RANBP2: variants seen among roughly 807,000 people sequenced by gnomAD.
The protein encoded by RANBP2 is E3 SUMO-protein ligase RanBP2.
Under a neutral mutation model 303.6 loss-of-function variants are expected in RANBP2, and 57 were observed. That is an observed-to-expected ratio of 0.19 (90% confidence interval 0.15 to 0.23). The LOEUF (loss-of-function observed/expected upper bound fraction) is 0.23. Among genes scored for constraint, RANBP2 ranks in the 10% least tolerant of loss-of-function variants. The pLI, the probability that RANBP2 is intolerant of heterozygous loss-of-function variation, is 1.00. For synonymous variants in RANBP2, 1,167 were observed against 1,301.5 expected (o/e 0.90, Z 2.23); for missense variants, 3,138 against 3,780.8 (o/e 0.83, Z 4.46).
chr2:108,937,888 G>T, the RANBP2 span, among the ~76,000 whole-genome samples: 1 of 152,238 alleles, frequency 6.6e-6, no homozygotes, highest in African/African-American at 2.4e-5. Context: ...CTTCCCAAAA[G>T]ACGTGGACAG....
the RANBP2 span, among the ~76,000 whole-genome samples, chr2:109,500,793 A>G: frequency 4.6e-5 from 7 of 152,064 alleles, no homozygotes; most frequent in Admixed American, 4.6e-4. Context: ...TACAAAAAAA[A>G]ATTAGAAATT....
At chr2:108,750,212 GT>G (rs1450436606) in intron 9 of RANBP2, among the ~76,000 whole-genome samples, 1 of 152,258 alleles carries the variant, frequency 6.6e-6, no homozygotes, top group African/African-American at 2.4e-5. Context: ...CATCTAAATG[GT>G]TGTTTATGTA....
At chr2:109,169,001 C>T in the RANBP2 span, among the ~76,000 whole-genome samples, 1 of 152,274 alleles carries the variant, frequency 6.6e-6, no homozygotes, top group Admixed American at 6.5e-5. Flanking sequence ...AGAAAGGCAG[C>T]TCATGAGTTT....
chr2:108,910,733 T>G, the RANBP2 span: 1 of 1,604,080 alleles, frequency 6.2e-7, no homozygotes, highest in Non-Finnish European at 8.5e-7. Context: ...CACCCAGAGA[T>G]GGGCACCGTG....
At chr2:109,708,186 C>T in the RANBP2 span, among the ~76,000 whole-genome samples, 1 of 152,122 alleles carries the variant, frequency 6.6e-6, no homozygotes, top group Non-Finnish European at 1.5e-5. Context: ...GGCAAAACCC[C>T]ATCTCTACAA....
intron 28 of RANBP2, 147 bp downstream of exon 28, chr2:108,783,009 C>A: frequency 2.7e-6 from 2 of 733,376 alleles, no homozygotes; most frequent in Non-Finnish European, 4.6e-6. Context: ...CATGGCATCA[C>A]TACCCATTCC....
the RANBP2 span, among the ~76,000 whole-genome samples, chr2:109,691,738 G>A: frequency 1.3e-5 from 2 of 151,466 alleles, no homozygotes; most frequent in Non-Finnish European, 2.9e-5. Flanking sequence ...ATGCAGCCCT[G>A]TTTCCACCTC....
At chr2:108,988,678 CA>C in the RANBP2 span, among the ~76,000 whole-genome samples, 1 of 152,112 alleles carries the variant, frequency 6.6e-6, no homozygotes, top group Non-Finnish European at 1.5e-5. Context: ...TTCAGTAGCC[CA>C]AATCTTAAAG....
chr2:109,342,507 G>A, the RANBP2 span, among the ~76,000 whole-genome samples: 2 of 152,220 alleles, frequency 1.3e-5, no homozygotes, highest in Non-Finnish European at 2.9e-5. Flanking sequence ...CGTGACAAGT[G>A]CTCTCCTTGA....
chr2:109,659,383 A>T, the RANBP2 span, among the ~76,000 whole-genome samples: 1 of 152,126 alleles, frequency 6.6e-6, no homozygotes, highest in Non-Finnish European at 1.5e-5. Flanking sequence ...CCAAAAACAC[A>T]CACAAAAAAA....
the RANBP2 span, among the ~76,000 whole-genome samples, chr2:109,271,478 G>A: frequency 2.0e-5 from 3 of 152,202 alleles, no homozygotes; most frequent in Admixed American, 1.3e-4. Context: ...TCACTTTCCC[G>A]TAAATCAACG....
the RANBP2 span, among the ~76,000 whole-genome samples, chr2:109,720,063 G>A: frequency 2.0e-5 from 3 of 151,986 alleles, no homozygotes; most frequent in South Asian, 2.1e-4. Flanking sequence ...AGCCAGCTTC[G>A]GCCAGCTAAA....
chr2:109,646,657 A>ATTTTTTTTT, the RANBP2 span, among the ~76,000 whole-genome samples: 171 of 118,896 alleles, frequency 1.4e-3, no homozygotes, highest in Non-Finnish European at 1.8e-3. Context: ...ATGACTGGCT[A>ATTTTTTTTT]TTTTTTTTTT....
the RANBP2 span, among the ~76,000 whole-genome samples, chr2:109,400,737 G>T: frequency 6.6e-6 from 1 of 152,170 alleles, no homozygotes; most frequent in African/African-American, 2.4e-5. Flanking sequence ...GGCTCTCATC[G>T]GCGGCTGAGG....
At chr2:108,788,701 CAG>C (rs1271313630), downstream of RANBP2, 9 of 1,059,546 alleles carry the variant, frequency 8.5e-6, no homozygotes, top group East Asian at 1.4e-4. Context: ...GCCTGGGTGA[CAG>C]AGCGAGACTC....
At chr2:109,488,043 C>T in the RANBP2 span, among the ~76,000 whole-genome samples, 22 of 152,312 alleles carry the variant, frequency 1.4e-4, no homozygotes, top group African/African-American at 3.4e-4. Flanking sequence ...CTTTGGACAA[C>T]GCAAGGCCAC....
the RANBP2 span, among the ~76,000 whole-genome samples, chr2:109,034,834 C>T: frequency 1.3e-5 from 2 of 152,180 alleles, no homozygotes; most frequent in African/African-American, 2.4e-5. Flanking sequence ...TGTGAGTGTT[C>T]AATAACCAGT....
At chr2:109,650,653 C>T in the RANBP2 span, among the ~76,000 whole-genome samples, 1 of 152,108 alleles carries the variant, frequency 6.6e-6, no homozygotes, top group Non-Finnish European at 1.5e-5. Context: ...GAATCATGGG[C>T]GGAGCTTCCT....
chr2:108,781,998 C>G (rs893274525), intron 26 of RANBP2, 130 bp from the exon 27 acceptor site: 2 of 997,746 alleles, frequency 2.0e-6, no homozygotes, highest in African/African-American at 3.3e-5. Flanking sequence ...AGATATATAA[C>G]CAGTTATCAC....
Sources: gnomAD v4.1 joint callset for allele counts (sites outside exome capture counted in the v4.1 genomes callset) on GRCh38, gnomAD v4.1.1 for gene constraint, MANE v1.5 for transcripts, NCBI Gene and HGNC (gene_info 2026-07-23, HGNC 2026-07-21) for gene names.